The following COL4A5 variants were observed in gnomAD, a reference collection of about 807,000 sequenced individuals.
The protein encoded by COL4A5 is collagen type IV alpha 5 chain.
COL4A5 carries 26 observed loss-of-function variants against 130.2 expected under a neutral mutation model. The ratio of observed to expected loss-of-function variants is 0.20; its 90% confidence interval spans 0.15 to 0.28. The LOEUF (loss-of-function observed/expected upper bound fraction) is 0.28, where lower values mean the gene tolerates loss of function less well. Ranked by LOEUF, COL4A5 falls within the 10% of genes least tolerant of loss-of-function variation. The pLI, the probability that COL4A5 is intolerant of heterozygous loss-of-function variation, is 1.00. For synonymous variants in COL4A5, 496 were observed against 439.6 expected (o/e 1.13, Z -1.60); for missense variants, 1,131 against 1,344.3 (o/e 0.84, Z 2.48).
At chrX:108,615,672 T>A (rs1398014371) in intron 30 of COL4A5, among the ~76,000 whole-genome samples, 1 of 111,554 alleles carries the variant, frequency 9.0e-6, no homozygotes, top group East Asian at 2.8e-4. Context: ...GCATATTGAG[T>A]TTCTGGATTC....
intron 49 of COL4A5, among the ~76,000 whole-genome samples, chrX:108,691,006 T>C (rs1397424887): frequency 9.0e-5 from 10 of 111,621 alleles, no homozygotes; most frequent in Non-Finnish European, 1.9e-4. Flanking sequence ...TCATGTCATT[T>C]GCAGCAACAT....
chrX:108,646,811 T>C (rs1345887291), intron 36 of COL4A5, among the ~76,000 whole-genome samples: 2 of 111,572 alleles, frequency 1.8e-5, no homozygotes, highest in East Asian at 5.6e-4. Context: ...CTAGCCAGTT[T>C]TCCCAGCACC....
chrX:108,490,787 C>T (rs2064986751), intron 1 of COL4A5, among the ~76,000 whole-genome samples: 1 of 110,755 alleles, frequency 9.0e-6, no homozygotes, highest in South Asian at 3.9e-4. Context: ...CTTTTCTGCT[C>T]CTCTTCATCC....
intron 30 of COL4A5, 80 bp from the exon 31 acceptor site, chrX:108,620,179 A>G (rs1466431293): frequency 1.2e-6 from 1 of 854,340 alleles, no homozygotes; most frequent in Non-Finnish European, 1.7e-6. Context: ...GGGTTCTATC[A>G]CTTGTTTACT....
At chrX:108,476,373 T>C (rs2064832929) in intron 1 of COL4A5, among the ~76,000 whole-genome samples, 1 of 110,680 alleles carries the variant, frequency 9.0e-6, no homozygotes, top group East Asian at 2.8e-4. Flanking sequence ...TCATGTAAAA[T>C]GGGGTATCCG....
chrX:108,529,977 T>A (rs770137180), intron 1 of COL4A5, among the ~76,000 whole-genome samples: 2 of 111,397 alleles, frequency 1.8e-5, no homozygotes, highest in Non-Finnish European at 3.8e-5. Flanking sequence ...CACTCCACTC[T>A]CAGCATTTAG....
intron 1 of COL4A5, among the ~76,000 whole-genome samples, chrX:108,469,129 A>G (rs1208666867): frequency 3.0e-5 from 3 of 98,924 alleles, no homozygotes; most frequent in Non-Finnish European, 6.1e-5. Flanking sequence ...TGCCTAATTT[A>G]CTGGTGTATG....
chrX:108,644,526 T>C (rs2067533989), intron 36 of COL4A5, among the ~76,000 whole-genome samples: 1 of 111,891 alleles, frequency 8.9e-6, no homozygotes, highest in African/African-American at 3.3e-5. Flanking sequence ...ATTGAAATCA[T>C]GTCAAGCACT....
At chrX:108,695,574 T>G in intron 52 of COL4A5, 135 bp downstream of exon 52, 4 of 698,415 alleles carry the variant, frequency 5.7e-6, no homozygotes, top group Non-Finnish European at 8.8e-6. Flanking sequence ...TTCTTGCTTG[T>G]TCTTCTCATA....
chrX:108,468,179 G>A (rs1174831342), intron 1 of COL4A5, among the ~76,000 whole-genome samples: 2 of 111,750 alleles, frequency 1.8e-5, no homozygotes, highest in Non-Finnish European at 3.8e-5. Context: ...ATGAAATCAG[G>A]TGTGGAATTT....
intron 4 of COL4A5, among the ~76,000 whole-genome samples, chrX:108,567,768 C>G (rs950485429): frequency 9.0e-6 from 1 of 111,408 alleles, no homozygotes; most frequent in Non-Finnish European, 1.9e-5. Context: ...ATAAAACCAT[C>G]AGATTTCGTG....
chrX:108,563,639 A>T (rs1418556502), intron 3 of COL4A5, among the ~76,000 whole-genome samples: 6 of 111,517 alleles, frequency 5.4e-5, no homozygotes, highest in Non-Finnish European at 7.5e-5. Context: ...GTACAGGTAT[A>T]GAGTTTGATT....
Position 108,669,667 on chromosome X carries a change from T to C in COL4A5, c.3791-561T>C, listed in dbSNP as rs573259722. On this transcript the variant is annotated intron_variant, in intron 41 of 52. Coordinates refer to ENST00000328300, the MANE Select transcript of COL4A5 (RefSeq NM_033380.3). ...ATGCAGTAATTCAAATAAACCAAACTATTATCTTTTTTATATTTTAATCAT... is the reference window on the plus strand; with the variant it reads ...ATGCAGTAATTCAAATAAACCAAACCATTATCTTTTTTATATTTTAATCAT... 2.5e-4 allele frequency among the ~76,000 whole-genome samples: 28 copies of C among 112,142 alleles called. No homozygotes were observed. In the Middle Eastern group the frequency reaches 0.014, roughly 55 times the overall value.
intron 6 of COL4A5, 112 bp downstream of exon 6, chrX:108,568,933 T>C: frequency 3.2e-6 from 2 of 627,488 alleles, no homozygotes; most frequent in Non-Finnish European, 5.2e-6. Context: ...CTTCAGGTCT[T>C]GGCTATTACA....
Position 108,687,472 on chromosome X carries a change from G to C in COL4A5, c.4316-10G>C, listed in dbSNP as rs778775294. The C allele has an allele frequency of 1.7e-6, 2 of 1,201,188 alleles. No homozygotes were observed. On this transcript the variant is annotated splice_polypyrimidine_tract_variant and intron_variant, in intron 48 of 52. Coordinates refer to ENST00000328300, the MANE Select transcript of COL4A5 (RefSeq NM_033380.3). ...CTTAATCTTGTATACTGATTATTTC[G>C]TGGAAATAGGTACCCGTGGTTTGGA... is the stretch of plus-strand genomic sequence containing the variant.
intron 1 of COL4A5, among the ~76,000 whole-genome samples, chrX:108,533,422 G>T (rs150495900): frequency 1.0e-3 from 116 of 111,508 alleles, no homozygotes; most frequent in African/African-American, 3.3e-3. Context: ...CACAGGAAAA[G>T]AAACTATCAA....
At position 108,565,350 on chromosome X, in the gene COL4A5, A is replaced by G. The variant is rs964448216; in HGVS notation, c.276+1424A>G. Among the ~76,000 whole-genome samples, 4 of 112,053 alleles carry G rather than the reference A, an allele frequency of 3.6e-5. No individual in the cohort carries two copies. In the Admixed American group the frequency reaches 3.8e-4, roughly 11 times the overall value. ...ATGAACCCCCATGAACCCATCACCC[A>G]GCTTCAAAAATGAACAACATTTTGA... On this transcript the variant is annotated intron_variant, in intron 4 of 52. Transcript: ENST00000328300.
At chrX:108,440,273 G>C (rs941834002) in intron 1 of COL4A5, 67 bp downstream of exon 1, 11 of 719,639 alleles carry the variant, frequency 1.5e-5, no homozygotes, top group East Asian at 1.3e-4. Flanking sequence ...CTTTTTTTTG[G>C]GGGGGGGGTC....
chrX:108,616,034 ATACCTTTT>A (rs2066919899), intron 30 of COL4A5, among the ~76,000 whole-genome samples: 1 of 111,799 alleles, frequency 8.9e-6, no homozygotes, highest in African/African-American at 3.2e-5. Flanking sequence ...ATGGCACATT[ATACCTTTT>A]TATGGTCCCT....
Sources: gnomAD v4.1 joint callset for allele counts (sites outside exome capture counted in the v4.1 genomes callset) on GRCh38, gnomAD v4.1.1 for gene constraint, MANE v1.5 for transcripts, NCBI Gene and HGNC (gene_info 2026-07-23, HGNC 2026-07-21) for gene names.